PLCG2: variants seen among roughly 807,000 people sequenced by gnomAD.
The protein encoded by PLCG2 is phospholipase C gamma 2.
Under a neutral mutation model 175.6 loss-of-function variants are expected in PLCG2, and 69 were observed. The ratio of observed to expected loss-of-function variants is 0.39; its 90% CI spans 0.32 to 0.48. The LOEUF (loss-of-function observed/expected upper bound fraction) is 0.48. Ranked by LOEUF, PLCG2 falls within the 20% of genes least tolerant of loss-of-function variation. The probability of loss-of-function intolerance (pLI) is 0.91; values close to 1 mark genes in which losing one functional copy is unlikely to be tolerated. For missense variants in PLCG2, 1,798 were observed against 1,650.9 expected, an observed-to-expected ratio of 1.09 and a Z score of -1.54; for synonymous variants, 827 against 624.0, an observed-to-expected ratio of 1.33 and a Z score of -4.85.
chr16:81,798,312 G>A (rs1293740631), intron 2 of PLCG2, among the ~76,000 whole-genome samples: 2 of 152,174 alleles, frequency 1.3e-5, no homozygotes, highest in Non-Finnish European at 2.9e-5. Flanking sequence ...GTGTTTGCGT[G>A]GGGGACATGG....
chr16:81,771,316 C>T (rs147633688), intron 2 of PLCG2, among the ~76,000 whole-genome samples: 80 of 152,284 alleles, frequency 5.3e-4, no homozygotes, highest in Non-Finnish European at 7.8e-4. Flanking sequence ...CAGCCTTAAA[C>T]GCCTGTGCTC....
At chr16:81,920,860 G>T (rs1910031073) in intron 20 of PLCG2, among the ~76,000 whole-genome samples, 1 of 152,186 alleles carries the variant, frequency 6.6e-6, no homozygotes, top group South Asian at 2.1e-4. Flanking sequence ...CTGGAACGTG[G>T]AGTCAGGAAG....
chr16:81,918,646 T>C (rs1169781970), intron 19 of PLCG2, among the ~76,000 whole-genome samples: 4 of 152,236 alleles, frequency 2.6e-5, no homozygotes, highest in Non-Finnish European at 5.9e-5. Flanking sequence ...TTTTTATTAC[T>C]ATAGCTTTGT....
intron 2 of PLCG2, among the ~76,000 whole-genome samples, chr16:81,770,647 A>C (rs8047887): frequency 1.3e-5 from 2 of 152,172 alleles, no homozygotes; most frequent in Admixed American, 1.3e-4. Flanking sequence ...CCCGGCGGAG[A>C]GGGCAGAGGT....
intron 2 of PLCG2, among the ~76,000 whole-genome samples, chr16:81,824,845 C>A (rs943866971): frequency 9.9e-5 from 15 of 152,156 alleles, no homozygotes; most frequent in Non-Finnish European, 1.8e-4. Flanking sequence ...GAGATTTTTG[C>A]ATGTGTGATT....
intron 2 of PLCG2, among the ~76,000 whole-genome samples, chr16:81,769,956 A>C (rs73604579): frequency 5.3e-5 from 8 of 152,214 alleles, no homozygotes; most frequent in African/African-American, 1.9e-4. Context: ...AGCTGTCCTG[A>C]AAGTAATGGA....
At chr16:81,919,765 C>G (rs1909986417) in intron 20 of PLCG2, 101 bp downstream of exon 20, 2 of 874,298 alleles carry the variant, frequency 2.3e-6, no homozygotes, top group Non-Finnish European at 3.6e-6. Flanking sequence ...CACCATGTAT[C>G]TGATACTGCT....
intron 2 of PLCG2, among the ~76,000 whole-genome samples, chr16:81,795,208 A>G (rs1348661691): frequency 6.6e-6 from 1 of 152,210 alleles, no homozygotes; most frequent in Non-Finnish European, 1.5e-5. Context: ...ACATTCAATC[A>G]TGTTGGATCG....
At chr16:81,942,713 ACTTG>A (rs1402923267) in intron 30 of PLCG2, among the ~76,000 whole-genome samples, 2 of 152,098 alleles carry the variant, frequency 1.3e-5, no homozygotes, top group African/African-American at 4.8e-5. Context: ...CTATGACTTA[ACTTG>A]CTCAAGGTCA....
intron 2 of PLCG2, among the ~76,000 whole-genome samples, chr16:81,797,812 G>C (rs1335039821): frequency 1.3e-5 from 2 of 151,722 alleles, no homozygotes; most frequent in East Asian, 3.9e-4. Flanking sequence ...TGGCCTCTTT[G>C]AGTCTCAGTT....
chr16:81,774,509 C>T (rs905625708), upstream of PLCG2, among the ~76,000 whole-genome samples: 9 of 152,206 alleles, frequency 5.9e-5, no homozygotes, highest in African/African-American at 1.7e-4. Flanking sequence ...TGCCAGCCAG[C>T]AGCTGGGACT....
At chr16:81,865,950 C>T (rs1336302861) in intron 5 of PLCG2, among the ~76,000 whole-genome samples, 1 of 138,528 alleles carries the variant, frequency 7.2e-6, no homozygotes, top group Non-Finnish European at 1.6e-5. Flanking sequence ...CTGGCCTCTC[C>T]CTTTCTCCCA....
At chr16:81,761,799 C>G (rs1423038374) in intron 2 of PLCG2, among the ~76,000 whole-genome samples, 2 of 150,014 alleles carry the variant, frequency 1.3e-5, no homozygotes, top group Non-Finnish European at 3.0e-5. Flanking sequence ...AAGCATCCAT[C>G]TAGTCACTAC....
chr16:81,893,683 A>G (rs1223519751), intron 11 of PLCG2, 26 bp from the exon 12 acceptor site: 2 of 1,520,554 alleles, frequency 1.3e-6, no homozygotes, highest in South Asian at 2.2e-5. Context: ...CCACTCTCAC[A>G]CGGCCACCTG....
chr16:81,902,372 A>G (rs1909187515), intron 14 of PLCG2, among the ~76,000 whole-genome samples: 1 of 152,218 alleles, frequency 6.6e-6, no homozygotes, highest in Admixed American at 6.5e-5. Context: ...CTGGAAGTTC[A>G]AGGTCAGGGT....
In PLCG2 at chr16:81,919,631, C is replaced by G. The variant is rs200025641; in HGVS notation, c.2202C>G (p.Pro734=). 31 of 1,613,932 alleles carry G rather than the reference C, an allele frequency of 1.9e-5. No individual in the cohort carries two copies. The highest frequency in any genetic ancestry group is 2.6e-5 in the Non-Finnish European group (31 of 1,179,962). Residue 734 remains proline (P), a synonymous_variant, in exon 20 of 33, where the codon CCC becomes CCG. Transcript: ENST00000564138. ...ACCGAAAGATGAGACTGCGCTACCC[C>G]GTGACCCCCGAGCTCCTGGAGCGCT... ...SLYRKMRLRY[P]VTPELLERYN... is the part of the protein sequence containing the mutation.
At chr16:81,827,891 G>A (rs1220675309) in intron 2 of PLCG2, among the ~76,000 whole-genome samples, 4 of 152,070 alleles carry the variant, frequency 2.6e-5, no homozygotes, top group Admixed American at 1.3e-4. Context: ...GGGAGTTCAA[G>A]TCCAACCTGA....
At chr16:81,934,683 G>C in intron 26 of PLCG2, 152 bp downstream of exon 26, 2 of 634,712 alleles carry the variant, frequency 3.2e-6, no homozygotes, top group Non-Finnish European at 2.8e-6. Context: ...CTCCGAGTGA[G>C]GGAGCTGGTG....
Position 81,880,967 on chromosome 16 carries a change from T to C in PLCG2, c.692+14T>C. ...GTTCATCCTGGGGTGAGGCAGCTCT[T>C]GTGTGTCGTTCGGGGCGGCTGTGCC... On this transcript the variant is annotated intron_variant, in intron 8 of 32. Transcript: ENST00000564138. 1 of 1,613,898 alleles carries C rather than the reference T, an allele frequency of 6.2e-7. No individual in the cohort carries two copies. Among genetic ancestry groups the C allele is most frequent in the Non-Finnish European group, 8.5e-7 (1 of 1,179,750 alleles).
Sources: allele counts gnomAD v4.1 joint callset (sites outside exome capture counted in the v4.1 genomes callset), GRCh38; gene constraint gnomAD v4.1.1; transcripts MANE v1.5; gene names NCBI Gene and HGNC (gene_info 2026-07-23, HGNC 2026-07-21).